The following STAG2 variants were observed in gnomAD, a reference collection of about 807,000 sequenced individuals.
STAG2 encodes the protein cohesin subunit SA-2.
Under a neutral mutation model 108.1 loss-of-function variants are expected in STAG2, and 14 were observed. The observed-to-expected ratio is 0.13, with a 90% CI of 0.09 to 0.20. The LOEUF (loss-of-function observed/expected upper bound fraction) is 0.20, where lower values mean the gene tolerates loss of function less well. STAG2 is among the 10% of genes least tolerant of loss of function. The probability of loss-of-function intolerance (pLI) is 1.00; values close to 1 mark genes in which losing one functional copy is unlikely to be tolerated. For synonymous variants in STAG2, 307 were observed against 302.7 expected, an observed-to-expected ratio of 1.01 and a Z score of -0.15; for missense variants, 440 against 940.9, an observed-to-expected ratio of 0.47 and a Z score of 6.96.
chrX:124,068,034 C>CA (rs11366862), intron 23 of STAG2, among the ~76,000 whole-genome samples: 948 of 90,381 alleles, frequency 0.01, 5 homozygotes, highest in African/African-American at 0.026. Context: ...AGCTCCATCT[C>CA]AAAAAAAAAA....
chrX:123,981,615 G>C (rs1179962536), intron 1 of STAG2, among the ~76,000 whole-genome samples: 1 of 111,576 alleles, frequency 9.0e-6, no homozygotes, highest in African/African-American at 3.3e-5. Flanking sequence ...ATGAATAATG[G>C]TGACAGGAAC....
In STAG2 at chrX:123,994,960, T is replaced by G. The variant is rs1406244017; in HGVS notation, c.-162-26407T>G. Among the ~76,000 whole-genome samples the G allele has an allele frequency of 2.7e-5, 3 of 112,227 alleles. No homozygotes were observed. In the East Asian group the frequency reaches 8.4e-4, roughly 31 times the overall value. On this transcript the variant is annotated intron_variant, in intron 1 of 34. Transcript: ENST00000371145. ...AACACTTCTGGTATTACCATGGTAG[T>G]ATAAAAGCATTTTTTTCCCTCTCGT...
At chrX:123,994,267 C>G (rs1420485099) in intron 1 of STAG2, among the ~76,000 whole-genome samples, 1 of 111,412 alleles carries the variant, frequency 9.0e-6, no homozygotes, top group Non-Finnish European at 1.9e-5. Context: ...CCAGTCTCAC[C>G]AGAGTGAGAA....
chrX:124,094,205 A>G, intron 33 of STAG2, 61 bp downstream of exon 33: 9 of 1,098,326 alleles, frequency 8.2e-6, no homozygotes, highest in Non-Finnish European at 9.9e-6. Context: ...ATTATGTTGG[A>G]TATTTATTAG....
At chrX:124,087,117 T>G (rs2059126708) in intron 30 of STAG2, among the ~76,000 whole-genome samples, 1 of 112,219 alleles carries the variant, frequency 8.9e-6, no homozygotes, top group Non-Finnish European at 1.9e-5. Context: ...CTCAGTATTA[T>G]AGAGCTAGTT....
chrX:124,077,029 T>A (rs532943052), intron 26 of STAG2, among the ~76,000 whole-genome samples: 3 of 111,600 alleles, frequency 2.7e-5, no homozygotes, highest in African/African-American at 9.7e-5. Context: ...TTGTTGATTA[T>A]ACTAACAGAA....
chrX:123,981,048 TGA>T (rs1467492497), intron 1 of STAG2, among the ~76,000 whole-genome samples: 2 of 111,575 alleles, frequency 1.8e-5, no homozygotes, highest in Non-Finnish European at 3.8e-5. Flanking sequence ...TTCTGCTTCT[TGA>T]GAGAATATTT....
At chrX:123,998,238 C>T (rs191605333) in intron 1 of STAG2, among the ~76,000 whole-genome samples, 53 of 104,019 alleles carry the variant, frequency 5.1e-4, no homozygotes, top group African/African-American at 1.7e-3. Context: ...GCATGATCTC[C>T]GTTCACTGCA....
chrX:124,073,391 T>C (rs1301853779), intron 25 of STAG2, among the ~76,000 whole-genome samples: 2 of 111,025 alleles, frequency 1.8e-5, no homozygotes, highest in African/African-American at 6.6e-5. Context: ...TTACCCACAC[T>C]TCTTATCTCC....
intron 26 of STAG2, 64 bp downstream of exon 26, chrX:124,076,535 G>T: frequency 9.9e-7 from 1 of 1,012,277 alleles, no homozygotes; most frequent in Non-Finnish European, 1.3e-6. Context: ...ATGCATGGCT[G>T]CCATTGAATT....
chrX:123,994,042 G>T (rs2055608985), intron 1 of STAG2, among the ~76,000 whole-genome samples: 1 of 111,763 alleles, frequency 8.9e-6, no homozygotes, highest in Non-Finnish European at 1.9e-5. Context: ...ATAAACAAAA[G>T]AGGTTTTAGC....
At chrX:124,035,820 C>T (rs963040231) in intron 5 of STAG2, among the ~76,000 whole-genome samples, 14 of 111,799 alleles carry the variant, frequency 1.3e-4, no homozygotes, top group African/African-American at 4.2e-4. Context: ...GAGAAGTGTC[C>T]AGTTTGCTAG....
chrX:124,071,994 A>G (rs2058675650), intron 25 of STAG2, among the ~76,000 whole-genome samples: 1 of 111,246 alleles, frequency 9.0e-6, no homozygotes, highest in South Asian at 3.8e-4. Context: ...GTTTGTTTTT[A>G]GTTTGAAGGT....
intron 1 of STAG2, among the ~76,000 whole-genome samples, chrX:123,981,541 A>G (rs1432184128): frequency 9.0e-6 from 1 of 111,549 alleles, no homozygotes; most frequent in Non-Finnish European, 1.9e-5. Context: ...TTGCTTATCT[A>G]CTCATCAGTT....
chrX:124,045,862 C>G (rs2057860046), intron 8 of STAG2, among the ~76,000 whole-genome samples: 1 of 110,791 alleles, frequency 9.0e-6, no homozygotes, highest in African/African-American at 3.3e-5. Flanking sequence ...TTTAGTTTGT[C>G]TTTGGTGTGC....
intron 5 of STAG2, among the ~76,000 whole-genome samples, chrX:124,032,702 C>T (rs1038788092): frequency 4.5e-5 from 5 of 111,602 alleles, no homozygotes; most frequent in African/African-American, 1.6e-4. Flanking sequence ...TTTTCTGTTC[C>T]TGCGTTAATT....
chrX:124,032,571 G>T (rs913507504), intron 5 of STAG2, among the ~76,000 whole-genome samples: 2 of 110,728 alleles, frequency 1.8e-5, no homozygotes, highest in Admixed American at 1.9e-4. Flanking sequence ...TATCCAGTGG[G>T]TAGTTTTTCA....
At chrX:124,054,841 C>T (rs1327292252) in intron 13 of STAG2, among the ~76,000 whole-genome samples, 1 of 111,605 alleles carries the variant, frequency 9.0e-6, no homozygotes, top group Non-Finnish European at 1.9e-5. Flanking sequence ...ACTCCAGCCT[C>T]GCCCTCCCAG....
At chrX:124,026,128 A>T (rs865782437) in intron 4 of STAG2, among the ~76,000 whole-genome samples, 12 of 88,964 alleles carry the variant, frequency 1.3e-4, no homozygotes, top group African/African-American at 4.8e-4. Flanking sequence ...GTAAAGTTGC[A>T]AATAATAATA....
Sources: gnomAD v4.1 joint callset for allele counts (sites outside exome capture counted in the v4.1 genomes callset) on GRCh38, gnomAD v4.1.1 for gene constraint, MANE v1.5 for transcripts, NCBI Gene and HGNC (gene_info 2026-07-23, HGNC 2026-07-21) for gene names.